The following DHX32 variants were observed in gnomAD, a reference collection of about 807,000 sequenced individuals.
DHX32 encodes the protein putative pre-mRNA-splicing factor ATP-dependent RNA helicase DHX32.
Under a neutral mutation model 70.0 loss-of-function variants are expected in DHX32, and 51 were observed. The observed-to-expected ratio is 0.73, with a 90% CI of 0.58 to 0.92. The LOEUF is 0.92. Ranked by LOEUF, DHX32 falls within the 40% of genes least tolerant of loss-of-function variation. DHX32 has a pLI of 0.00. For missense variants in DHX32, 762 were observed against 891.8 expected, an observed-to-expected ratio of 0.85 and a Z score of 1.85; for synonymous variants, 310 against 315.3, an observed-to-expected ratio of 0.98 and a Z score of 0.18.
Position 125,840,931 on chromosome 10 carries a change from A to G in DHX32, c.1609T>C (p.Phe537Leu), listed in dbSNP as rs1035836371. The G allele has an allele frequency of 2.5e-6, 4 of 1,612,578 alleles. No homozygotes were observed. The African/African-American group carries it at 5.3e-5, about 22-fold the overall frequency. Residue 537 changes from phenylalanine (F) to leucine (L), a missense_variant, in exon 8 of 11, where the codon TTT becomes CTT. Coordinates refer to ENST00000284690, the MANE Select transcript of DHX32 (RefSeq NM_018180.3). Reference sequence around the variant, plus strand: ...AAGTGATCTCCTTCGGGATGTAAAAATGTCTTCCAACAAGTCAAGGCAGCC... The same window carrying G: ...AAGTGATCTCCTTCGGGATGTAAAAGTGTCTTCCAACAAGTCAAGGCAGCC... The part of the protein sequence containing the change: ...EEAALTCWKT[F>L]LHPEGDHFTL...
intron 10 of DHX32, among the ~76,000 whole-genome samples, chr10:125,837,347 G>C (rs1854726013): frequency 6.6e-6 from 1 of 152,242 alleles, no homozygotes; most frequent in Non-Finnish European, 1.5e-5. Context: ...TCCAGACTCT[G>C]TACTGGCCTC....
chr10:125,836,568 T>C lies in DHX32; in HGVS notation c.*119A>G, dbSNP rs1854691881. 4 of 1,382,754 alleles carry C rather than the reference T, an allele frequency of 2.9e-6. No homozygotes were observed. Among genetic ancestry groups the C allele is most frequent in the Non-Finnish European group, 3.8e-6 (4 of 1,045,110 alleles). The allele number at this position is 1,382,754 out of a possible 1,614,324, so 85.7% of individuals were successfully genotyped here. A position where few individuals can be genotyped will look rare whatever the true frequency, so the allele number is the denominator to read the frequency against. ...TTAAAATAATATACACAGTGTTATTTTCTTCAAGACCGTCCTGTGGATGTG... is the reference window on the plus strand; with the variant it reads ...TTAAAATAATATACACAGTGTTATTCTCTTCAAGACCGTCCTGTGGATGTG... On this transcript the variant is annotated 3_prime_UTR_variant, in exon 11 of 11. Transcript: ENST00000284690.
chr10:125,865,277 G>C (rs1255603641), intron 2 of DHX32, among the ~76,000 whole-genome samples: 2 of 152,090 alleles, frequency 1.3e-5, no homozygotes, highest in Admixed American at 6.6e-5. Context: ...AACCAGAGAG[G>C]TTTTTATGTT....
Position 125,852,382 on chromosome 10 carries a change from A to T in DHX32, c.1262T>A (p.Met421Lys), listed in dbSNP as rs760009209. 1 of 1,614,162 alleles carries T rather than the reference A, an allele frequency of 6.2e-7. No homozygotes were observed. Among genetic ancestry groups the T allele is most frequent in the South Asian group, 1.1e-5 (1 of 91,086 alleles). The part of the protein sequence containing the change: ...KDMTPLKPAE[M>K]QEANLTSMVL... ...CATGCTTGTTAGGTTGGCTTCCTGCATTTCTGCTGGCTTCAGTGGCGTCAT... is the reference window on the plus strand; with the variant it reads ...CATGCTTGTTAGGTTGGCTTCCTGCTTTTCTGCTGGCTTCAGTGGCGTCAT... Residue 421 changes from methionine (M) to lysine (K), a missense_variant, in exon 6 of 11, where the codon ATG (methionine) becomes AAG (lysine). By Grantham distance (95) the Met-to-Lys change is moderately conservative (BLOSUM62 -1). Coordinates refer to ENST00000284690, the MANE Select transcript of DHX32 (RefSeq NM_018180.3).
intron 6 of DHX32, chr10:125,842,169 GTGTGCATGCGGGGGGA>G: frequency 2.0e-6 from 1 of 511,114 alleles, no homozygotes; most frequent in Non-Finnish European, 3.2e-6. Context: ...CCCAGCTGCA[GTGTGCATGCGGGGGGA>G]ACCCAGGTGG....
At chr10:125,858,260 C>T (rs1262424219) in intron 3 of DHX32, among the ~76,000 whole-genome samples, 1 of 152,126 alleles carries the variant, frequency 6.6e-6, no homozygotes, top group Non-Finnish European at 1.5e-5. Context: ...TGCCATTCTT[C>T]CCTTCCTTAG....
chr10:125,859,909 G>A lies in DHX32; in HGVS notation c.543C>T (p.Val181=). 1 of 1,613,374 alleles carries A rather than the reference G, an allele frequency of 6.2e-7. No homozygotes were observed. Among genetic ancestry groups the A allele is most frequent in the Non-Finnish European group, 8.5e-7 (1 of 1,179,446 alleles). The stretch of plus-strand genomic sequence containing the variant: ...TTTCATGAATATCATCTAAGATGAT[G>A]ACCCCATAGCTACCCAAAAAAGGAT... ...MSNPFLGSYG[V]IILDDIHERS... The change falls in exon 3 of 11, where the codon GTC becomes GTT. Residue 181 remains valine, a synonymous_variant. Transcript: ENST00000284690.
In DHX32 at chr10:125,859,979, T is replaced by A; in HGVS notation, c.477-4A>T. The A allele has an allele frequency of 3.3e-6, 5 of 1,529,700 alleles. No individual in the cohort carries two copies. Among genetic ancestry groups the A allele is most frequent in the Non-Finnish European group, 4.4e-6 (5 of 1,143,452 alleles). The allele number at this position is 1,529,700 out of a possible 1,614,324, so 94.8% of individuals were successfully genotyped here. A position where few individuals can be genotyped will look rare whatever the true frequency, so the allele number is the denominator to read the frequency against. Reference sequence around the variant, plus strand: ...CAGCATATCATCAGTACAATACCTATAAAGAAGAAACATTAAAGTTAGAAT... The same window carrying A: ...CAGCATATCATCAGTACAATACCTAAAAAGAAGAAACATTAAAGTTAGAAT... On this transcript the variant is annotated splice_region_variant and splice_polypyrimidine_tract_variant and intron_variant, in intron 2 of 10. Transcript: ENST00000284690.
chr10:125,850,627 T>C (rs10901455), intron 6 of DHX32, among the ~76,000 whole-genome samples: 63,234 of 151,970 alleles, frequency 0.42, 13,420 homozygotes, highest in Non-Finnish European at 0.45. Flanking sequence ...AATGCTGGGA[T>C]TAGAGGCGTG....
upstream of DHX32, among the ~76,000 whole-genome samples, chr10:125,882,443 C>T (rs1281182307): frequency 1.3e-5 from 2 of 152,076 alleles, no homozygotes; most frequent in African/African-American, 4.8e-5. Context: ...AACAGTCAAT[C>T]ACTCAAAAAA....
Position 125,838,290 on chromosome 10 carries a change from T to A in DHX32, c.1979A>T (p.Lys660Met), listed in dbSNP as rs974349392. ...ATGGAAGAGGACCCACTCTGGCATC[T>A]TCTTGGTGATTGAGTAACCAGACAG... Reference protein sequence around the residue: ...HPLSGYSITKKMPEWVLFHKF... With the variant: ...HPLSGYSITKMMPEWVLFHKF... Residue 660 changes from lysine (K) to methionine (M), a missense_variant, in exon 10 of 11, where the codon AAG (lysine) becomes ATG (methionine). This residue lies in a region of DHX32 where 366 missense variants were observed against 402.6 expected (regional missense o/e 0.91). Transcript: ENST00000284690. 6.2e-6 allele frequency: 10 copies of A among 1,614,050 alleles called. No homozygotes were observed. The South Asian group carries it at 7.7e-5, about 12-fold the overall frequency.
chr10:125,855,609 C>A (rs138404215), intron 3 of DHX32, among the ~76,000 whole-genome samples: 2 of 151,842 alleles, frequency 1.3e-5, no homozygotes, highest in Admixed American at 1.3e-4. Context: ...CCACCATGGC[C>A]GGCTAATTTT....
intron 1 of DHX32, chr10:125,869,630 GC>G (rs1049566288): frequency 6.6e-6 from 1 of 152,108 alleles, no homozygotes; most frequent in Non-Finnish European, 1.5e-5. Context: ...TGTTGCCCAG[GC>G]TGGTCTCAAT....
At chr10:125,870,567 G>T (rs1944249863) in intron 1 of DHX32, among the ~76,000 whole-genome samples, 1 of 152,096 alleles carries the variant, frequency 6.6e-6, no homozygotes, top group Non-Finnish European at 1.5e-5. Context: ...GGGTGCGGTG[G>T]CTCACATCTG....
At chr10:125,836,943 G>T in intron 10 of DHX32, 88 bp from the exon 11 acceptor site, 1 of 1,153,998 alleles carries the variant, frequency 8.7e-7, no homozygotes, top group Non-Finnish European at 1.3e-6. Context: ...TCCCATCCCT[G>T]GAGAATCTAC....
chr10:125,839,165 CACG>C lies in DHX32; in HGVS notation c.1714_1716del (p.Arg572del), dbSNP rs758852617. 6.2e-6 allele frequency: 10 copies of C among 1,614,182 alleles called. No individual in the cohort carries two copies. The Admixed American group carries it at 6.7e-5, about 11-fold the overall frequency. Reference sequence around the variant, plus strand: ...AGTGCTGAACAGTTGAGGAAGTAATCACGACACCACTTTTCCACACAGTCTAGG... The same window carrying C: ...AGTGCTGAACAGTTGAGGAAGTAATCACACCACTTTTCCACACAGTCTAGG... On this transcript the variant is annotated inframe_deletion, in exon 9 of 11. Transcript: ENST00000284690.
In DHX32 at chr10:125,866,615, G is replaced by A. The variant is rs994146499; in HGVS notation, c.476+375C>T. Among the ~76,000 whole-genome samples, 1 of 152,262 alleles carries A rather than the reference G, an allele frequency of 6.6e-6. No homozygotes were observed. The highest frequency in any genetic ancestry group is 2.4e-5 in the African/African-American group (1 of 41,474). ...ATGCTGAGCACAGGGAGGGGCAGGT[G>A]TACAGGCACAGGGTGTGGAAAGCAC... On this transcript the variant is annotated intron_variant, in intron 2 of 10. Coordinates refer to ENST00000284690, the MANE Select transcript of DHX32 (RefSeq NM_018180.3). This position sits in a 1 kb window ranked among gnomAD's most constrained non-coding sequence, Gnocchi z 4.8.
intron 6 of DHX32, among the ~76,000 whole-genome samples, chr10:125,843,688 A>G (rs1315241787): frequency 6.6e-6 from 1 of 152,176 alleles, no homozygotes; most frequent in Admixed American, 6.5e-5. Context: ...GGAAGGCATT[A>G]GAAGCCACTA....
At chr10:125,878,579 G>A (rs547016868) in intron 1 of DHX32, among the ~76,000 whole-genome samples, 4 of 152,154 alleles carry the variant, frequency 2.6e-5, no homozygotes, top group African/African-American at 9.6e-5. Flanking sequence ...ATACACTTCT[G>A]TTTTTCTTCT....
Sources: allele counts gnomAD v4.1 joint callset (sites outside exome capture counted in the v4.1 genomes callset), GRCh38; gene constraint gnomAD v4.1.1; regional missense constraint gnomAD v4.1.1; non-coding constraint Gnocchi (gnomAD v3.1); transcripts MANE v1.5; gene names NCBI Gene and HGNC (gene_info 2026-07-23, HGNC 2026-07-21).